FAT3: variants seen among roughly 807,000 people sequenced by gnomAD.
FAT3 encodes the protein protocadherin Fat 3.
FAT3 carries 95 observed loss-of-function variants against 310.2 expected under a neutral mutation model. That is an observed-to-expected ratio of 0.31 (90% CI 0.26 to 0.36). The LOEUF is 0.36. FAT3 is among the 10% of genes least tolerant of loss of function. The pLI is 1.00. For missense variants in FAT3, 5,408 were observed against 5,715.6 expected (o/e 0.95, Z 1.74); for synonymous variants, 2,314 against 2,192.9 (o/e 1.06, Z -1.54).
intron 3 of FAT3, among the ~76,000 whole-genome samples, chr11:92,560,834 G>C (rs2135467854): frequency 6.6e-6 from 1 of 152,222 alleles, no homozygotes; most frequent in South Asian, 2.1e-4. Context: ...AGATATTTCA[G>C]CTTCTGTGTT....
chr11:92,649,681 T>C (rs1450366805), intron 3 of FAT3, among the ~76,000 whole-genome samples: 2 of 151,948 alleles, frequency 1.3e-5, no homozygotes, highest in African/African-American at 2.4e-5. Flanking sequence ...AATGCAGGGA[T>C]GTCAGAAAAA....
intron 4 of FAT3, among the ~76,000 whole-genome samples, chr11:92,733,103 G>T (rs1339275455): frequency 6.6e-6 from 1 of 152,160 alleles, no homozygotes; most frequent in Non-Finnish European, 1.5e-5. Flanking sequence ...GGAGACAGGG[G>T]CAGTGGTTAC....
chr11:92,442,084 TATA>T (rs1951078391), intron 2 of FAT3, among the ~76,000 whole-genome samples: 4 of 63,176 alleles, frequency 6.3e-5, no homozygotes, highest in African/African-American at 2.0e-4. Flanking sequence ...ATATATTTTA[TATA>T]TATATATATA....
chr11:92,269,385 T>C (rs1007864159), intron 1 of FAT3, among the ~76,000 whole-genome samples: 2 of 152,170 alleles, frequency 1.3e-5, no homozygotes, highest in Non-Finnish European at 2.9e-5. Context: ...TAGACACTGG[T>C]TCCTTTCACA....
intron 2 of FAT3, among the ~76,000 whole-genome samples, chr11:92,450,066 T>G (rs1448984666): frequency 6.6e-6 from 1 of 152,048 alleles, no homozygotes; most frequent in Non-Finnish European, 1.5e-5. Context: ...TCTAACTACC[T>G]CCTTAGCCAG....
Position 92,410,844 on chromosome 11 carries a change from G to A in FAT3, c.3292+55440G>A, listed in dbSNP as rs113823101. 4.1e-3 allele frequency among the ~76,000 whole-genome samples: 623 copies of A among 151,418 alleles called. 3 individuals carry two copies. Among genetic ancestry groups the A allele is most frequent in the Non-Finnish European group, 7.2e-3 (488 of 67,910 alleles). ...ATGGCTCCTTTCCTGCCATTTTCTT[G>A]GAATATAATCTTGGGGACATAAGCC... On this transcript the variant is annotated intron_variant, in intron 2 of 27. Transcript: ENST00000525166.
chr11:92,542,699 G>C (rs900991281), intron 3 of FAT3, among the ~76,000 whole-genome samples: 2 of 152,024 alleles, frequency 1.3e-5, no homozygotes, highest in African/African-American at 4.8e-5. Context: ...CATGGATGTG[G>C]AGAAAGGGGA....
chr11:92,717,864 T>C (rs894721288), intron 4 of FAT3, among the ~76,000 whole-genome samples: 1 of 152,124 alleles, frequency 6.6e-6, no homozygotes, highest in African/African-American at 2.4e-5. Context: ...TCACCAGCCA[T>C]GATCTTTATT....
At chr11:92,413,772 G>C (rs1216666196) in intron 2 of FAT3, among the ~76,000 whole-genome samples, 2 of 152,180 alleles carry the variant, frequency 1.3e-5, no homozygotes, top group Non-Finnish European at 2.9e-5. Context: ...AATCATTTGA[G>C]CTTTCACCAA....
In FAT3 at chr11:92,654,964, T is replaced by G. The variant is rs942909475; in HGVS notation, c.3608-42420T>G. Among the ~76,000 whole-genome samples, 3 of 147,370 alleles carry G rather than the reference T, an allele frequency of 2.0e-5. No homozygotes were observed. The South Asian group carries it at 6.3e-4, about 31-fold the overall frequency. On this transcript the variant is annotated intron_variant, in intron 3 of 27. Coordinates refer to ENST00000525166, the MANE Select transcript of FAT3 (RefSeq NM_001367949.2). ...GCTTCCATGGCCTGCTTTCATTCCC[T>G]CCTGTAAGTTCCTACCTCAAGGCAT...
At chr11:92,362,539 A>G (rs1040600123) in intron 2 of FAT3, among the ~76,000 whole-genome samples, 2 of 152,164 alleles carry the variant, frequency 1.3e-5, no homozygotes, top group African/African-American at 2.4e-5. Flanking sequence ...CTCTTTCTAC[A>G]CTGGTTACTG....
chr11:92,513,882 G>A (rs545311540), intron 2 of FAT3, among the ~76,000 whole-genome samples: 18 of 152,078 alleles, frequency 1.2e-4, no homozygotes, highest in Non-Finnish European at 2.6e-4. Flanking sequence ...TGATCCATAC[G>A]CTGATAGGTT....
chr11:92,750,509 C>T (rs544134944), intron 4 of FAT3, among the ~76,000 whole-genome samples: 32 of 152,238 alleles, frequency 2.1e-4, no homozygotes, highest in African/African-American at 7.2e-4. Flanking sequence ...GCTTTATAGA[C>T]AGAAAATGGC....
chr11:92,757,397 C>T (rs1027201231), intron 4 of FAT3, among the ~76,000 whole-genome samples: 2 of 152,134 alleles, frequency 1.3e-5, no homozygotes, highest in Non-Finnish European at 1.5e-5. Context: ...AGAGTACACA[C>T]GGGTCACTTC....
At chr11:92,384,099 T>G (rs1949564699) in intron 2 of FAT3, among the ~76,000 whole-genome samples, 1 of 152,124 alleles carries the variant, frequency 6.6e-6, no homozygotes, top group South Asian at 2.1e-4. Context: ...GACTTAAGTG[T>G]GGTAAGTCAT....
intron 19 of FAT3, among the ~76,000 whole-genome samples, chr11:92,853,684 G>C (rs1479789466): frequency 6.6e-6 from 1 of 152,142 alleles, no homozygotes; most frequent in African/African-American, 2.4e-5. Flanking sequence ...GTTGTCCCAA[G>C]GAGTATCCAG....
At chr11:92,374,059 A>AGAGAG (rs1555026645) in intron 2 of FAT3, among the ~76,000 whole-genome samples, 2 of 89,742 alleles carry the variant, frequency 2.2e-5, no homozygotes, top group African/African-American at 1.3e-4. Flanking sequence ...GAGAGAGAGA[A>AGAGAG]TTTGCTTTCC....
At chr11:92,425,816 C>T (rs181058840) in intron 2 of FAT3, among the ~76,000 whole-genome samples, 120 of 152,272 alleles carry the variant, frequency 7.9e-4, no homozygotes, top group African/African-American at 2.8e-3. Context: ...CAAGCCTTTG[C>T]TATTGTGAAC....
intron 2 of FAT3, among the ~76,000 whole-genome samples, chr11:92,486,325 A>G (rs115658724): frequency 0.016 from 2,407 of 151,220 alleles, 65 homozygotes; most frequent in African/African-American, 0.054. Flanking sequence ...ATACTTTCCA[A>G]TCTAGGCAGA....
Sources: gnomAD v4.1 joint callset for allele counts (sites outside exome capture counted in the v4.1 genomes callset) on GRCh38, gnomAD v4.1.1 for gene constraint, MANE v1.5 for transcripts, NCBI Gene and HGNC (gene_info 2026-07-23, HGNC 2026-07-21) for gene names.